Variants in GALNTL6 observed in about 807,000 individuals in gnomAD.
The protein encoded by GALNTL6 is polypeptide N-acetylgalactosaminyltransferase like 6.
Under a neutral mutation model 73.7 loss-of-function variants are expected in GALNTL6, and 46 were observed. The observed-to-expected ratio is 0.62, with a 90% CI of 0.49 to 0.80. The LOEUF is 0.80. Ranked by LOEUF, GALNTL6 falls within the 30% of genes least tolerant of loss-of-function variation. The pLI is 0.00. For synonymous variants in GALNTL6, 259 were observed against 263.7 expected (o/e 0.98, Z 0.17); for missense variants, 604 against 755.0 (o/e 0.80, Z 2.34).
chr4:172,807,501 G>A (rs1699090375), intron 5 of GALNTL6, among the ~76,000 whole-genome samples: 1 of 152,154 alleles, frequency 6.6e-6, no homozygotes, highest in South Asian at 2.1e-4. Flanking sequence ...TTTGTTGAAT[G>A]AACACTGACC....
At chr4:172,387,748 T>C (rs1054252398) in intron 5 of GALNTL6, among the ~76,000 whole-genome samples, 2 of 152,152 alleles carry the variant, frequency 1.3e-5, no homozygotes, top group Admixed American at 6.6e-5. Context: ...TTGTCCCCTG[T>C]CTCTTCACCT....
At chr4:173,029,270 G>A (rs970718280) in intron 12 of GALNTL6, among the ~76,000 whole-genome samples, 39 of 152,318 alleles carry the variant, frequency 2.6e-4, no homozygotes, top group African/African-American at 9.1e-4. Flanking sequence ...TTGCCAGAAA[G>A]CTCTTCCCTG....
At chr4:171,822,507 G>T (rs758308089) in intron 2 of GALNTL6, among the ~76,000 whole-genome samples, 1 of 152,112 alleles carries the variant, frequency 6.6e-6, no homozygotes, top group South Asian at 2.1e-4. Flanking sequence ...TGTTTAAATT[G>T]CTTGGTACAT....
At chr4:172,631,866 T>C (rs936666615) in intron 5 of GALNTL6, among the ~76,000 whole-genome samples, 1 of 152,218 alleles carries the variant, frequency 6.6e-6, no homozygotes, top group African/African-American at 2.4e-5. Context: ...ACCAAACATA[T>C]CTGAAGCCAT....
intron 2 of GALNTL6, among the ~76,000 whole-genome samples, chr4:172,084,585 G>A (rs1482244771): frequency 6.6e-6 from 1 of 152,190 alleles, no homozygotes; most frequent in Non-Finnish European, 1.5e-5. Context: ...TTAACTGTGG[G>A]TGAATTTATA....
intron 5 of GALNTL6, among the ~76,000 whole-genome samples, chr4:172,720,879 G>A (rs1004579252): frequency 6.6e-6 from 1 of 151,920 alleles, no homozygotes; most frequent in African/African-American, 2.4e-5. Flanking sequence ...TTATCCTTTG[G>A]GAGAACCAAG....
chr4:172,951,904 C>T, intron 9 of GALNTL6, 133 bp from the exon 10 acceptor site: 1 of 648,062 alleles, frequency 1.5e-6, no homozygotes, highest in Non-Finnish European at 2.7e-6. Flanking sequence ...TCTCATTGTT[C>T]ATAAACCACC....
chr4:172,419,239 G>T (rs1730960070), intron 5 of GALNTL6, among the ~76,000 whole-genome samples: 1 of 152,014 alleles, frequency 6.6e-6, no homozygotes, highest in African/African-American at 2.4e-5. Flanking sequence ...TAAAGACCAG[G>T]CTTTCAAACC....
chr4:172,136,483 C>T (rs958587380), intron 2 of GALNTL6, among the ~76,000 whole-genome samples: 4 of 151,860 alleles, frequency 2.6e-5, no homozygotes, highest in Admixed American at 2.0e-4. Flanking sequence ...TCAATGATCC[C>T]CTTTAATCCC....
At chr4:172,815,421 C>T (rs1404288606) in intron 7 of GALNTL6, among the ~76,000 whole-genome samples, 1 of 152,150 alleles carries the variant, frequency 6.6e-6, no homozygotes, top group African/African-American at 2.4e-5. Context: ...AGCCACAGTT[C>T]GGCCGCTATG....
intron 5 of GALNTL6, among the ~76,000 whole-genome samples, chr4:172,681,301 A>G (rs1732619878): frequency 6.6e-6 from 1 of 151,984 alleles, no homozygotes; most frequent in Non-Finnish European, 1.5e-5. Context: ...TGAAAATCAC[A>G]TTTTATTGAT....
At chr4:172,658,660 G>C (rs542305054) in intron 5 of GALNTL6, among the ~76,000 whole-genome samples, 82 of 152,156 alleles carry the variant, frequency 5.4e-4, no homozygotes, top group African/African-American at 1.9e-3. Flanking sequence ...CACTGCTTGT[G>C]GGTGTTGAAT....
chr4:172,894,754 GC>G (rs1298997649), intron 8 of GALNTL6, among the ~76,000 whole-genome samples: 1 of 152,050 alleles, frequency 6.6e-6, no homozygotes, highest in Non-Finnish European at 1.5e-5. Flanking sequence ...TAAATGATCT[GC>G]CCATTGCTGA....
chr4:172,467,995 G>T (rs1316328154), intron 5 of GALNTL6, among the ~76,000 whole-genome samples: 6 of 151,056 alleles, frequency 4.0e-5, no homozygotes, highest in Admixed American at 4.0e-4. Flanking sequence ...CTGGGCTCAG[G>T]TGATCCTCCT....
At chr4:172,654,949 A>G (rs1730901775) in intron 5 of GALNTL6, among the ~76,000 whole-genome samples, 1 of 152,180 alleles carries the variant, frequency 6.6e-6, no homozygotes, top group Admixed American at 6.5e-5. Context: ...TTTACAGATG[A>G]AGAAAATGAG....
intron 3 of GALNTL6, among the ~76,000 whole-genome samples, chr4:172,245,889 C>A (rs1351412709): frequency 6.6e-6 from 1 of 152,120 alleles, no homozygotes; most frequent in Non-Finnish European, 1.5e-5. Flanking sequence ...ATGCTCTTTG[C>A]CTGAGTAGCA....
chr4:172,553,277 G>A (rs1477636614), intron 5 of GALNTL6, among the ~76,000 whole-genome samples: 2 of 152,134 alleles, frequency 1.3e-5, no homozygotes, highest in African/African-American at 4.8e-5. Context: ...TCTTCAAATT[G>A]ACTTGAACAG....
rs115939964 is a variant in GALNTL6, at chr4:172,239,290, C to T, written c.247+9526C>T. 9.6e-3 allele frequency among the ~76,000 whole-genome samples: 1,461 copies of T among 152,176 alleles called. 22 individuals carry two copies. Among genetic ancestry groups the T allele is most frequent in the African/African-American group, 0.032 (1,349 of 41,546 alleles). The stretch of plus-strand genomic sequence containing the variant: ...TTTCAGAATCAATTATTGGTCTATT[C>T]ATGATTTGAATTTATTCCTGGTTCA... On this transcript the variant is annotated intron_variant, in intron 3 of 12. Coordinates refer to ENST00000506823, the MANE Select transcript of GALNTL6 (RefSeq NM_001034845.3).
chr4:172,647,194 C>T (rs993227301), intron 5 of GALNTL6, among the ~76,000 whole-genome samples: 1 of 151,994 alleles, frequency 6.6e-6, no homozygotes, highest in African/African-American at 2.4e-5. Flanking sequence ...TCCCTTTCAC[C>T]CAGATAGAAA....
Sources: gnomAD v4.1 joint callset for allele counts (sites outside exome capture counted in the v4.1 genomes callset) on GRCh38, gnomAD v4.1.1 for gene constraint, MANE v1.5 for transcripts, NCBI Gene and HGNC (gene_info 2026-07-23, HGNC 2026-07-21) for gene names.